The following FBXO36 variants were observed in gnomAD, a reference collection of about 807,000 sequenced individuals.
FBXO36 encodes the protein F-box protein 36.
Under a neutral mutation model 17.0 loss-of-function variants are expected in FBXO36, and 18 were observed. The ratio of observed to expected loss-of-function variants is 1.06; its 90% CI spans 0.73 to 1.57. The LOEUF (loss-of-function observed/expected upper bound fraction) is 1.57, where lower values mean the gene tolerates loss of function less well. FBXO36 is among the 40% of genes most tolerant of loss of function. The pLI is 0.00. For synonymous variants in FBXO36, 83 were observed against 85.3 expected (o/e 0.97, Z 0.15); for missense variants, 229 against 221.9 (o/e 1.03, Z -0.20).
chr2:229,988,273 T>C (rs62191712), intron 2 of FBXO36, among the ~76,000 whole-genome samples: 2,990 of 152,306 alleles, frequency 0.02, 37 homozygotes, highest in Non-Finnish European at 0.03. Context: ...ATTTCTAACA[T>C]CTATTATAAA....
At chr2:229,951,228 C>T (rs1376196357) in intron 1 of FBXO36, among the ~76,000 whole-genome samples, 2 of 151,948 alleles carry the variant, frequency 1.3e-5, no homozygotes, top group East Asian at 1.9e-4. Flanking sequence ...CCACCGCGCC[C>T]GTCCCAGGCA....
Position 229,940,771 on chromosome 2 carries a change from T to G in FBXO36, c.96+18162T>G, listed in dbSNP as rs542012817. On this transcript the variant is annotated intron_variant, in intron 1 of 3. Coordinates refer to ENST00000283946, the MANE Select transcript of FBXO36 (RefSeq NM_174899.5). ...GAAGCTAAGAAGAGACTTCTTCCCC[T>G]TCAGAAGGAAGGAGCATGGCCTTAG... Among the ~76,000 whole-genome samples, 14 of 152,228 alleles carry G rather than the reference T, an allele frequency of 9.2e-5. No individual in the cohort carries two copies. In the South Asian group the frequency reaches 2.9e-3, roughly 32 times the overall value.
At chr2:229,952,837 A>G (rs1029805394) in intron 1 of FBXO36, among the ~76,000 whole-genome samples, 2 of 152,202 alleles carry the variant, frequency 1.3e-5, no homozygotes, top group African/African-American at 4.8e-5. Flanking sequence ...GATGGACGCC[A>G]TCTTACCTGA....
intron 2 of FBXO36, among the ~76,000 whole-genome samples, chr2:229,994,125 G>A (rs1280493215): frequency 6.6e-6 from 1 of 152,044 alleles, no homozygotes; most frequent in African/African-American, 2.4e-5. Flanking sequence ...GTATATTTGA[G>A]CATGCTTTGA....
chr2:229,929,494 AG>A (rs1404889912), intron 1 of FBXO36, among the ~76,000 whole-genome samples: 1 of 151,766 alleles, frequency 6.6e-6, no homozygotes, highest in African/African-American at 2.4e-5. Flanking sequence ...TGAACCTGGG[AG>A]GCGAAGCTTG....
intron 2 of FBXO36, among the ~76,000 whole-genome samples, chr2:229,979,934 C>T (rs2077229400): frequency 6.6e-6 from 1 of 152,068 alleles, no homozygotes; most frequent in Admixed American, 6.6e-5. Context: ...GATTGAATTT[C>T]AGTCAGCCCA....
chr2:229,950,197 G>C (rs756400777), intron 1 of FBXO36, among the ~76,000 whole-genome samples: 13 of 152,258 alleles, frequency 8.5e-5, no homozygotes, highest in Non-Finnish European at 1.8e-4. Flanking sequence ...GGAGCCTGAG[G>C]TGGGTGGATC....
At chr2:229,953,410 T>C (rs763493879) in intron 1 of FBXO36, among the ~76,000 whole-genome samples, 17 of 151,808 alleles carry the variant, frequency 1.1e-4, no homozygotes, top group Non-Finnish European at 2.1e-4. Context: ...GTGTGGTGGC[T>C]CTTGCCTGTA....
chr2:229,977,246 C>T (rs2077213683), intron 2 of FBXO36: 4 of 152,252 alleles, frequency 2.6e-5, no homozygotes, highest in African/African-American at 9.7e-5. Flanking sequence ...GATCCTCCTG[C>T]TTCAGCCTCC....
intron 2 of FBXO36, among the ~76,000 whole-genome samples, chr2:229,991,492 C>T (rs2077297804): frequency 6.6e-6 from 1 of 152,132 alleles, no homozygotes; most frequent in Non-Finnish European, 1.5e-5. Context: ...TCTCCTTAAG[C>T]TCACAAAGAA....
intron 1 of FBXO36, among the ~76,000 whole-genome samples, chr2:229,954,533 G>C (rs2106175533): frequency 7.4e-6 from 1 of 135,454 alleles, no homozygotes; most frequent in East Asian, 2.2e-4. Flanking sequence ...ATGAGCCACT[G>C]CACCCGGCCT....
chr2:229,960,310 T>C (rs73103577), intron 1 of FBXO36, among the ~76,000 whole-genome samples: 1,691 of 152,150 alleles, frequency 0.011, 28 homozygotes, highest in African/African-American at 0.038. Context: ...CCTGAGGAGC[T>C]GGGACTACAT....
chr2:229,979,350 G>GTGTA (rs1553808995), intron 2 of FBXO36, among the ~76,000 whole-genome samples: 1 of 148,852 alleles, frequency 6.7e-6, no homozygotes, highest in African/African-American at 2.5e-5. Context: ...TAGTGTGTGT[G>GTGTA]TATATATATA....
At chr2:229,936,674 ACCTGGGCAACAAAGAGAGAC>A (rs1426594204) in intron 1 of FBXO36, among the ~76,000 whole-genome samples, 1 of 151,788 alleles carries the variant, frequency 6.6e-6, no homozygotes, top group African/African-American at 2.4e-5. Context: ...TTCGAGACTA[ACCTGGGCAACAAAGAGAGAC>A]CTTGTCTCTA....
intron 1 of FBXO36, among the ~76,000 whole-genome samples, chr2:229,954,234 A>AGTTTTTTTTTTTTT (rs2077072313): frequency 1.4e-5 from 1 of 71,404 alleles, no homozygotes; most frequent in Non-Finnish European, 2.6e-5. Flanking sequence ...AACCCTTTGG[A>AGTTTTTTTTTTTTT]TTTTTTTTTT....
In FBXO36 at chr2:229,976,314, C is replaced by G. The variant is rs770212604; in HGVS notation, c.170C>G (p.Thr57Ser). The change falls in exon 2 of 4, where the codon ACC (threonine) becomes AGC (serine). Residue 57 changes from threonine to serine, a missense_variant. Physicochemically the swap from Thr to Ser is moderately conservative, Grantham distance 58 (BLOSUM62 1). Transcript: ENST00000283946. ...RSTKPGEAKE[T>S]HEDFLENSHL... ...ACAAAACCTGGAGAAGCAAAAGAAA[C>G]CCATGAAGACTTCCTAGAGAATTCA... 1.4e-5 allele frequency: 23 copies of G among 1,613,438 alleles called. No homozygotes were observed. The highest frequency in any genetic ancestry group is 1.9e-5 in the Non-Finnish European group (23 of 1,179,682).
rs1028538881 is a variant in FBXO36, at chr2:229,976,542, C to T, written c.205+193C>T. 2.1e-5 allele frequency: 10 copies of T among 470,516 alleles called. 1 individual carries two copies. Among genetic ancestry groups the T allele is most frequent in the South Asian group, 2.0e-4 (7 of 35,046 alleles). The allele number at this position is 470,516 out of a possible 1,614,324, so 29.1% of individuals were successfully genotyped here. On this transcript the variant is annotated intron_variant, in intron 2 of 3. Coordinates refer to ENST00000283946, the MANE Select transcript of FBXO36 (RefSeq NM_174899.5). Reference sequence around the variant, plus strand: ...CTTGGAAAACATATTAGCATTTGGCCGGGCGCGGTCGCTCATGCCTGTAAT... The same window carrying T: ...CTTGGAAAACATATTAGCATTTGGCTGGGCGCGGTCGCTCATGCCTGTAAT...
At chr2:229,927,670 G>C (rs2076920120) in intron 1 of FBXO36, among the ~76,000 whole-genome samples, 1 of 151,082 alleles carries the variant, frequency 6.6e-6, no homozygotes, top group Admixed American at 6.6e-5. Context: ...GGAAGAATTG[G>C]GCAATAGATT....
intron 1 of FBXO36, among the ~76,000 whole-genome samples, chr2:229,938,711 A>G (rs2076980027): frequency 6.8e-6 from 1 of 146,510 alleles, no homozygotes; most frequent in African/African-American, 2.5e-5. Context: ...GGCTCAAGCC[A>G]CCGCGCCCGG....
Sources: gnomAD v4.1 joint callset for allele counts (sites outside exome capture counted in the v4.1 genomes callset) on GRCh38, gnomAD v4.1.1 for gene constraint, MANE v1.5 for transcripts, NCBI Gene and HGNC (gene_info 2026-07-23, HGNC 2026-07-21) for gene names.